Variants in TMEM132E observed in about 807,000 individuals in gnomAD.
The protein encoded by TMEM132E is transmembrane protein 132E.
TMEM132E carries 49 observed loss-of-function variants against 78.5 expected under a neutral mutation model. That is an observed-to-expected ratio of 0.62 (90% CI 0.50 to 0.79). TMEM132E has a LOEUF of 0.79. TMEM132E is among the 30% of genes least tolerant of loss of function. TMEM132E has a pLI of 0.00. For synonymous variants in TMEM132E, 715 were observed against 670.6 expected (o/e 1.07, Z -1.02); for missense variants, 1,403 against 1,470.9 (o/e 0.95, Z 0.75).
rs1001731455 is a variant in TMEM132E at position 34,591,293 on chromosome 17, G to C, written c.67+10150G>C. ...AAGTAGGAGAACCTAGAGAGAGATGGGATCTCCCTCACTATTTTTTTTTTT... is the reference window on the plus strand; with the variant it reads ...AAGTAGGAGAACCTAGAGAGAGATGCGATCTCCCTCACTATTTTTTTTTTT... On this transcript the variant is annotated intron_variant, in intron 1 of 8. Transcript: ENST00000631683. Among the ~76,000 whole-genome samples, 11 of 142,442 alleles carry C rather than the reference G, an allele frequency of 7.7e-5. No individual in the cohort carries two copies. In the South Asian group the frequency reaches 2.3e-3, roughly 30 times the overall value. The allele number at this position is 142,442 out of a possible 152,430, so 93.4% of individuals were successfully genotyped here.
chr17:34,631,267 A>T (rs576600993), intron 5 of TMEM132E, among the ~76,000 whole-genome samples: 8 of 152,210 alleles, frequency 5.3e-5, no homozygotes, highest in African/African-American at 1.9e-4. Flanking sequence ...ATGCCTTCCA[A>T]GGGAGCCAGA....
At chr17:34,598,039 A>T (rs1485072783) in intron 1 of TMEM132E, among the ~76,000 whole-genome samples, 1 of 152,220 alleles carries the variant, frequency 6.6e-6, no homozygotes, top group Non-Finnish European at 1.5e-5. Context: ...GTAATAGATA[A>T]TGCATTACAA....
chr17:34,588,211 G>A (rs1283525202), intron 1 of TMEM132E, among the ~76,000 whole-genome samples: 3 of 152,334 alleles, frequency 2.0e-5, no homozygotes, highest in East Asian at 1.9e-4. Context: ...CTACTCAGCT[G>A]TCAGGGCAGA....
At chr17:34,627,710 A>G (rs1295324252) in intron 2 of TMEM132E, among the ~76,000 whole-genome samples, 1 of 152,188 alleles carries the variant, frequency 6.6e-6, no homozygotes, top group East Asian at 1.9e-4. Context: ...GACACCCACC[A>G]AAATGCTTCC....
intron 7 of TMEM132E, 103 bp from the exon 8 acceptor site, chr17:34,635,904 G>T (rs1907503503): frequency 1.7e-6 from 2 of 1,199,518 alleles, no homozygotes; most frequent in East Asian, 6.3e-5. Flanking sequence ...TCACCCTTCA[G>T]GCCCCTCTTC....
chr17:34,615,493 C>A (rs1906748236), intron 1 of TMEM132E, among the ~76,000 whole-genome samples: 1 of 148,354 alleles, frequency 6.7e-6, no homozygotes, highest in Non-Finnish European at 1.5e-5. Flanking sequence ...AGCAAGGGTG[C>A]CTGCAAGGGG....
At chr17:34,629,917 G>A in intron 4 of TMEM132E, 91 bp from the exon 5 acceptor site, 1 of 1,411,002 alleles carries the variant, frequency 7.1e-7, no homozygotes, top group Non-Finnish European at 9.5e-7. Flanking sequence ...TGAGGAGTGG[G>A]GGGGGAGCGT....
At chr17:34,599,902 G>A (rs1365924934) in intron 1 of TMEM132E, among the ~76,000 whole-genome samples, 1 of 152,144 alleles carries the variant, frequency 6.6e-6, no homozygotes, top group African/African-American at 2.4e-5. Flanking sequence ...GAGGGTCCCA[G>A]GGACCTGCAT....
intron 1 of TMEM132E, among the ~76,000 whole-genome samples, chr17:34,606,877 GCTCT>G (rs1162709467): frequency 6.6e-6 from 1 of 152,070 alleles, no homozygotes; most frequent in African/African-American, 2.4e-5. Flanking sequence ...CCACTCACTC[GCTCT>G]CTCTCTGCTC....
chr17:34,598,036 A>G (rs1567712639), intron 1 of TMEM132E, among the ~76,000 whole-genome samples: 1 of 152,242 alleles, frequency 6.6e-6, no homozygotes, highest in Non-Finnish European at 1.5e-5. Flanking sequence ...TATGTAATAG[A>G]TAATGCATTA....
rs369907580 is a variant in TMEM132E, at chr17:34,615,414, T to C, written c.68-10713T>C. ...AGGAAGTCACACTGAGCAGCAGGCT[T>C]GGTCTGGTTTTAGGCAGAGGGAGCA... On this transcript the variant is annotated intron_variant, in intron 1 of 8. Coordinates refer to ENST00000631683, the MANE Select transcript of TMEM132E (RefSeq NM_001304438.2). Among the ~76,000 whole-genome samples the C allele has an allele frequency of 4.6e-5, 7 of 152,254 alleles. No individual in the cohort carries two copies. In the South Asian group the frequency reaches 1.2e-3, roughly 27 times the overall value.
intron 1 of TMEM132E, among the ~76,000 whole-genome samples, chr17:34,595,435 A>G (rs1906022745): frequency 6.6e-6 from 1 of 152,062 alleles, no homozygotes; most frequent in South Asian, 2.1e-4. Flanking sequence ...CAATGGGAAG[A>G]CCTCCTTATA....
intron 1 of TMEM132E, chr17:34,614,390 G>T (rs1567716348): frequency 6.6e-6 from 1 of 152,184 alleles, no homozygotes. Context: ...CCAAGGGTTT[G>T]CCCTGCAGGT....
intron 1 of TMEM132E, among the ~76,000 whole-genome samples, chr17:34,583,837 C>T (rs1252865024): frequency 6.6e-6 from 1 of 152,186 alleles, no homozygotes; most frequent in Non-Finnish European, 1.5e-5. Context: ...GGACAGAGAC[C>T]ATGTGTGAAT....
chr17:34,625,855 A>T (rs901419520), intron 1 of TMEM132E, among the ~76,000 whole-genome samples: 3 of 152,214 alleles, frequency 2.0e-5, no homozygotes, highest in African/African-American at 7.2e-5. Flanking sequence ...CGACGGTATT[A>T]TCTTTACCCC....
Position 34,620,835 on chromosome 17 carries a change from G to A in TMEM132E, c.68-5292G>A, listed in dbSNP as rs529280156. On this transcript the variant is annotated intron_variant, in intron 1 of 8. Coordinates refer to ENST00000631683, the MANE Select transcript of TMEM132E (RefSeq NM_001304438.2). ...GGCTGAGCTGGGCATGGAAGGATGA[G>A]GGGGACCCCCACATCCTCCCACATG... Among the ~76,000 whole-genome samples, 4 of 152,324 alleles carry A rather than the reference G, an allele frequency of 2.6e-5. No individual in the cohort carries two copies. In the East Asian group the frequency reaches 5.8e-4, roughly 22 times the overall value.
Position 34,600,029 on chromosome 17 carries a change from A to G in TMEM132E, c.67+18886A>G, listed in dbSNP as rs141726082. Among the ~76,000 whole-genome samples the G allele has an allele frequency of 2.5e-3, 374 of 152,360 alleles. 1 individual carries two copies. Among genetic ancestry groups the G allele is most frequent in the African/African-American group, 8.6e-3 (356 of 41,594 alleles). On this transcript the variant is annotated intron_variant, in intron 1 of 8. Coordinates refer to ENST00000631683, the MANE Select transcript of TMEM132E (RefSeq NM_001304438.2). ...CCAGAGGACAGGACCCCAGGAAGGA[A>G]GAAGAACATAGAAAAAGTGTGGAAG...
chr17:34,613,172 T>TACACA (rs1416893742), intron 1 of TMEM132E, among the ~76,000 whole-genome samples: 121 of 112,480 alleles, frequency 1.1e-3, no homozygotes, highest in Admixed American at 3.3e-3. Context: ...TCTCTCTCTC[T>TACACA]CTACACACAC....
Position 34,608,404 on chromosome 17 carries a change from T to C in TMEM132E, c.68-17723T>C, listed in dbSNP as rs114208289. On this transcript the variant is annotated intron_variant, in intron 1 of 8. Transcript: ENST00000631683. ...CACATGGCTAAGCTGCAGTGTCCTG[T>C]ATACAGTTGGGAAGACGGATGCATA... 3.2e-3 allele frequency among the ~76,000 whole-genome samples: 481 copies of C among 152,282 alleles called. 1 individual carries two copies. Among genetic ancestry groups the C allele is most frequent in the African/African-American group, 0.011 (442 of 41,548 alleles).
Sources: gnomAD v4.1 joint callset for allele counts (sites outside exome capture counted in the v4.1 genomes callset) on GRCh38, gnomAD v4.1.1 for gene constraint, MANE v1.5 for transcripts, NCBI Gene and HGNC (gene_info 2026-07-23, HGNC 2026-07-21) for gene names.